SLC39A11: variants seen among roughly 807,000 people sequenced by gnomAD.
SLC39A11 encodes zinc transporter ZIP11.
SLC39A11 carries 33 observed loss-of-function variants against 36.1 expected under a neutral mutation model. The observed-to-expected ratio is 0.91, with a 90% CI of 0.69 to 1.22. The LOEUF is 1.22. Ranked by LOEUF, SLC39A11 falls within the 50% of genes most tolerant of loss-of-function variation. The pLI, the probability that SLC39A11 is intolerant of heterozygous loss-of-function variation, is 0.00. For synonymous variants in SLC39A11, 166 were observed against 170.3 expected, an observed-to-expected ratio of 0.97 and a Z score of 0.20; for missense variants, 432 against 430.3, an observed-to-expected ratio of 1.00 and a Z score of -0.03.
At chr17:72,986,515 G>C (rs1320849817) in intron 4 of SLC39A11, among the ~76,000 whole-genome samples, 1 of 152,198 alleles carries the variant, frequency 6.6e-6, no homozygotes, top group Non-Finnish European at 1.5e-5. Context: ...TTCCAACTGT[G>C]AGGTCCCATT....
At chr17:72,677,845 T>C (rs1476519482) in intron 7 of SLC39A11, among the ~76,000 whole-genome samples, 3 of 152,108 alleles carry the variant, frequency 2.0e-5, no homozygotes, top group African/African-American at 7.2e-5. Context: ...ATGTGGTACA[T>C]TTACACAATG....
chr17:73,029,263 AC>A (rs1184641740), intron 4 of SLC39A11, among the ~76,000 whole-genome samples: 1 of 152,020 alleles, frequency 6.6e-6, no homozygotes, highest in East Asian at 1.9e-4. Flanking sequence ...ACATAGTAAG[AC>A]CCACAAGGAT....
intron 4 of SLC39A11, among the ~76,000 whole-genome samples, chr17:72,985,921 G>C (rs193021923): frequency 3.9e-5 from 6 of 152,106 alleles, no homozygotes; most frequent in African/African-American, 1.2e-4. Context: ...TTATAAAAAG[G>C]AGAAATTTGG....
At chr17:72,921,764 T>C (rs1264850428) in intron 5 of SLC39A11, among the ~76,000 whole-genome samples, 5 of 152,174 alleles carry the variant, frequency 3.3e-5, no homozygotes, top group Admixed American at 1.3e-4. Flanking sequence ...TATTACCATA[T>C]CTCACCAAAT....
intron 5 of SLC39A11, among the ~76,000 whole-genome samples, chr17:72,856,840 C>T (rs999740833): frequency 6.6e-6 from 1 of 152,086 alleles, no homozygotes; most frequent in African/African-American, 2.4e-5. Flanking sequence ...ACCACCCCAC[C>T]CGGCTAATTT....
intron 3 of SLC39A11, among the ~76,000 whole-genome samples, chr17:73,047,469 A>T (rs555559286): frequency 6.6e-6 from 1 of 152,308 alleles, no homozygotes; most frequent in South Asian, 2.1e-4. Context: ...TAGAAATAGT[A>T]ACACTCGTAA....
chr17:73,052,224 G>C (rs9897024), intron 3 of SLC39A11, among the ~76,000 whole-genome samples: 17,277 of 151,586 alleles, frequency 0.11, 1,143 homozygotes, highest in Non-Finnish European at 0.15. Context: ...GGAGAATCCA[G>C]GGGGACAACA....
chr17:72,726,281 T>C (rs1369604655), intron 7 of SLC39A11, among the ~76,000 whole-genome samples: 1 of 152,074 alleles, frequency 6.6e-6, no homozygotes. Context: ...AATGTTTCCA[T>C]GTGAGTTCTC....
intron 5 of SLC39A11, among the ~76,000 whole-genome samples, chr17:72,911,007 C>T (rs571543273): frequency 5.9e-5 from 9 of 152,058 alleles, no homozygotes; most frequent in Non-Finnish European, 8.8e-5. Flanking sequence ...CCAGAACCTC[C>T]GTGGGACTTC....
intron 6 of SLC39A11, among the ~76,000 whole-genome samples, chr17:72,779,919 G>A (rs911797105): frequency 2.0e-5 from 3 of 152,128 alleles, no homozygotes; most frequent in African/African-American, 7.2e-5. Flanking sequence ...GCACCCATGA[G>A]GAACCCCTAT....
At chr17:73,015,328 A>C (rs969200065) in intron 4 of SLC39A11, among the ~76,000 whole-genome samples, 1 of 151,586 alleles carries the variant, frequency 6.6e-6, no homozygotes, top group Non-Finnish European at 1.5e-5. Flanking sequence ...TTGGTTTCTC[A>C]CTCTTCCAAA....
chr17:72,709,166 C>T (rs547461769), intron 7 of SLC39A11, among the ~76,000 whole-genome samples: 3 of 152,296 alleles, frequency 2.0e-5, no homozygotes, highest in African/African-American at 7.2e-5. Context: ...TCTCAATCTT[C>T]TGACCTCGTG....
At chr17:72,937,535 A>C (rs2084848298) in intron 5 of SLC39A11, among the ~76,000 whole-genome samples, 1 of 152,184 alleles carries the variant, frequency 6.6e-6, no homozygotes, top group South Asian at 2.1e-4. Context: ...AAGGCAGTAA[A>C]GGCATGATTT....
intron 3 of SLC39A11, among the ~76,000 whole-genome samples, chr17:73,058,713 ACT>A (rs1270483480): frequency 6.6e-6 from 1 of 152,082 alleles, no homozygotes; most frequent in African/African-American, 2.4e-5. Flanking sequence ...ACAGAGCGAA[ACT>A]CTGTCTCAAA....
intron 4 of SLC39A11, among the ~76,000 whole-genome samples, chr17:73,009,609 G>C (rs964222990): frequency 6.6e-6 from 1 of 152,102 alleles, no homozygotes; most frequent in Non-Finnish European, 1.5e-5. Flanking sequence ...TTTCCTTGGG[G>C]GGGTGATGAA....
At chr17:72,767,874 A>C (rs76164282) in intron 6 of SLC39A11, among the ~76,000 whole-genome samples, 446 of 152,342 alleles carry the variant, frequency 2.9e-3, no homozygotes, top group African/African-American at 0.01. Flanking sequence ...GAAAGAGTTT[A>C]ATAGACACGA....
intron 4 of SLC39A11, among the ~76,000 whole-genome samples, chr17:73,003,791 A>G (rs112047313): frequency 5.3e-5 from 8 of 152,232 alleles, no homozygotes; most frequent in African/African-American, 1.9e-4. Flanking sequence ...GGCTGCCACT[A>G]TAAAATGCCA....
At chr17:73,067,887 T>G (rs1218955427) in intron 3 of SLC39A11, 3 of 1,607,838 alleles carry the variant, frequency 1.9e-6, no homozygotes, top group East Asian at 4.5e-5. Context: ...GCCTGAGACT[T>G]GCAGTAATGT....
At position 72,654,312 on chromosome 17, in the gene SLC39A11, G is replaced by A. The variant is rs557786094; in HGVS notation, c.672-5044C>T. On this transcript the variant is annotated intron_variant, in intron 7 of 9. Transcript: ENST00000255559. ...CTCTGGGGCCCCAGGCCTAGGACTCGAAAGCTAGCTTTGGAAGACACTGTT... is the reference window on the plus strand; with the variant it reads ...CTCTGGGGCCCCAGGCCTAGGACTCAAAAGCTAGCTTTGGAAGACACTGTT... Among the ~76,000 whole-genome samples, 23 of 152,226 alleles carry A rather than the reference G, an allele frequency of 1.5e-4. No individual in the cohort carries two copies. In the South Asian group the frequency reaches 2.5e-3, roughly 17 times the overall value.
Sources: allele counts gnomAD v4.1 joint callset (sites outside exome capture counted in the v4.1 genomes callset), GRCh38; gene constraint gnomAD v4.1.1; transcripts MANE v1.5; gene names NCBI Gene and HGNC (gene_info 2026-07-23, HGNC 2026-07-21).